PLCXD3: variants seen among roughly 807,000 people sequenced by gnomAD.
PLCXD3 encodes the protein phosphatidylinositol specific phospholipase C X domain containing 3.
PLCXD3 carries 19 observed loss-of-function variants against 25.5 expected under a neutral mutation model. The observed-to-expected ratio is 0.75, with a 90% confidence interval of 0.52 to 1.09. The LOEUF (loss-of-function observed/expected upper bound fraction) is 1.09. PLCXD3 is among the 50% of genes least tolerant of loss of function. The pLI, the probability that PLCXD3 is intolerant of heterozygous loss-of-function variation, is 0.00. For missense variants in PLCXD3, 411 were observed against 388.1 expected, an observed-to-expected ratio of 1.06 and a Z score of -0.50; for synonymous variants, 174 against 137.6, an observed-to-expected ratio of 1.26 and a Z score of -1.85.
At chr5:41,390,042 G>A (rs1309837921) in intron 1 of PLCXD3, among the ~76,000 whole-genome samples, 1 of 152,028 alleles carries the variant, frequency 6.6e-6, no homozygotes, top group Admixed American at 6.6e-5. Context: ...CCACTAATCT[G>A]CTATATATCA....
intron 1 of PLCXD3, among the ~76,000 whole-genome samples, chr5:41,401,929 A>G (rs1458903403): frequency 2.6e-5 from 4 of 151,986 alleles, no homozygotes; most frequent in African/African-American, 7.2e-5. Context: ...TAATGCCTGT[A>G]GGATCTGGTG....
chr5:41,507,028 T>C (rs1045263405), intron 1 of PLCXD3, among the ~76,000 whole-genome samples: 2 of 152,156 alleles, frequency 1.3e-5, no homozygotes, highest in African/African-American at 4.8e-5. Flanking sequence ...CCCAATCTTT[T>C]AGATTTTGGA....
At chr5:41,478,911 C>T (rs1405250879) in intron 1 of PLCXD3, among the ~76,000 whole-genome samples, 2 of 152,102 alleles carry the variant, frequency 1.3e-5, no homozygotes, top group African/African-American at 4.8e-5. Flanking sequence ...GGGCAAAGTG[C>T]TACACACTTT....
chr5:41,488,904 C>A (rs1176063898), intron 1 of PLCXD3, among the ~76,000 whole-genome samples: 2 of 149,900 alleles, frequency 1.3e-5, no homozygotes, highest in Non-Finnish European at 3.0e-5. Context: ...ATGGTAGTTT[C>A]TTTTGCTGTG....
intron 1 of PLCXD3, among the ~76,000 whole-genome samples, chr5:41,428,377 T>G (rs1175165386): frequency 1.7e-5 from 2 of 117,270 alleles, no homozygotes; most frequent in South Asian, 2.4e-4. Flanking sequence ...AAAATGAGTT[T>G]TTTTGTTTTT....
chr5:41,423,152 G>A (rs918151548), intron 1 of PLCXD3, among the ~76,000 whole-genome samples: 12 of 151,722 alleles, frequency 7.9e-5, no homozygotes, highest in African/African-American at 2.2e-4. Flanking sequence ...TGCATTCTTC[G>A]CAGAAGCCCT....
Position 41,382,131 on chromosome 5 carries a change from T to G in PLCXD3, c.507A>C (p.Lys169Asn). ...CCTGGGCAAAAATCGCTGGGCACAT[T>G]TTATTTCCATAGATGTCTTTCAGCA... The part of the protein sequence containing the change: ...VQMLKDIYGN[K>N]MCPAIFAQEV... Residue 169 changes from lysine to asparagine, a missense_variant, in exon 2 of 3, where the codon AAA (lysine) becomes AAC (asparagine). By Grantham distance (94) the Lys-to-Asn change is moderately conservative (BLOSUM62 0). Coordinates refer to ENST00000377801, the MANE Select transcript of PLCXD3 (RefSeq NM_001005473.3). The G allele has an allele frequency of 6.2e-7, 1 of 1,613,738 alleles. No homozygotes were observed. Among genetic ancestry groups the G allele is most frequent in the Non-Finnish European group, 8.5e-7 (1 of 1,179,776 alleles).
chr5:41,365,132 T>C (rs2150486542), intron 2 of PLCXD3, among the ~76,000 whole-genome samples: 1 of 152,332 alleles, frequency 6.6e-6, no homozygotes, highest in South Asian at 2.1e-4. Context: ...CTTGTTAGCC[T>C]AGTCTAATAT....
chr5:41,330,663 T>C (rs1743772949), intron 2 of PLCXD3, among the ~76,000 whole-genome samples: 2 of 152,176 alleles, frequency 1.3e-5, no homozygotes, highest in African/African-American at 2.4e-5. Context: ...TTTAGACCAA[T>C]ATCCTTGATG....
chr5:41,331,029 C>T (rs1038895915), intron 2 of PLCXD3, among the ~76,000 whole-genome samples: 1 of 151,728 alleles, frequency 6.6e-6, no homozygotes. Flanking sequence ...CCTTTGAAAA[C>T]TGGCACAAGA....
chr5:41,386,962 A>G (rs1396821927), intron 1 of PLCXD3, among the ~76,000 whole-genome samples: 5 of 22,682 alleles, frequency 2.2e-4, no homozygotes, highest in Non-Finnish European at 5.4e-4. Flanking sequence ...TCCAATTAAA[A>G]TCTTAACTTT....
At chr5:41,442,787 A>C (rs1747412773) in intron 1 of PLCXD3, among the ~76,000 whole-genome samples, 1 of 152,016 alleles carries the variant, frequency 6.6e-6, no homozygotes, top group East Asian at 1.9e-4. Flanking sequence ...TCACCCAAAC[A>C]CTTCAAATCA....
intron 1 of PLCXD3, among the ~76,000 whole-genome samples, chr5:41,499,737 A>G (rs112221816): frequency 0.014 from 2,148 of 151,952 alleles, 54 homozygotes; most frequent in African/African-American, 0.048. Context: ...TGATATGAAA[A>G]CATACTACAA....
chr5:41,356,241 G>A (rs952059875), intron 2 of PLCXD3, among the ~76,000 whole-genome samples: 2 of 152,156 alleles, frequency 1.3e-5, no homozygotes, highest in South Asian at 2.1e-4. Flanking sequence ...ACTCGAGCCT[G>A]GGAGACAAGA....
rs190420656 is a variant in PLCXD3 at position 41,322,382 on chromosome 5, G to C, written c.813-8612C>G. ...CAAATCATGTCATCCAAGTTAAAATGGTTTATATCCAGAAACAGGCAATAA... is the reference window on the plus strand; with the variant it reads ...CAAATCATGTCATCCAAGTTAAAATCGTTTATATCCAGAAACAGGCAATAA... On this transcript the variant is annotated intron_variant, in intron 2 of 2. Transcript: ENST00000377801. Among the ~76,000 whole-genome samples, 37 of 152,226 alleles carry C rather than the reference G, an allele frequency of 2.4e-4. No individual in the cohort carries two copies. The East Asian group carries it at 6.2e-3, about 26-fold the overall frequency.
chr5:41,467,335 G>A (rs1003090321), intron 1 of PLCXD3, among the ~76,000 whole-genome samples: 5 of 152,018 alleles, frequency 3.3e-5, no homozygotes, highest in African/African-American at 2.4e-5. Context: ...ATTCCTGTTG[G>A]CCATTCATAT....
chr5:41,499,320 A>G (rs1237204774), intron 1 of PLCXD3, among the ~76,000 whole-genome samples: 1 of 151,780 alleles, frequency 6.6e-6, no homozygotes, highest in East Asian at 1.9e-4. Flanking sequence ...CAAAATCAAC[A>G]TTAAAAATCA....
intron 1 of PLCXD3, among the ~76,000 whole-genome samples, chr5:41,441,293 A>C (rs766693467): frequency 6.6e-6 from 1 of 152,178 alleles, no homozygotes; most frequent in Non-Finnish European, 1.5e-5. Flanking sequence ...TAGAAGACGC[A>C]CTCATGCAAT....
intron 2 of PLCXD3, among the ~76,000 whole-genome samples, chr5:41,368,233 T>C (rs1237853597): frequency 1.3e-5 from 2 of 152,232 alleles, no homozygotes; most frequent in Admixed American, 6.5e-5. Flanking sequence ...TTATGAATGG[T>C]AGTTCATTCA....
Sources: allele counts gnomAD v4.1 joint callset (sites outside exome capture counted in the v4.1 genomes callset), GRCh38; gene constraint gnomAD v4.1.1; transcripts MANE v1.5; gene names NCBI Gene and HGNC (gene_info 2026-07-23, HGNC 2026-07-21).